TLE1: variants seen among roughly 807,000 people sequenced by gnomAD.
TLE1 encodes TLE family member 1, transcriptional corepressor.
Under a neutral mutation model 89.8 loss-of-function variants are expected in TLE1, and 21 were observed. The observed-to-expected ratio is 0.23, with a 90% CI of 0.17 to 0.34. TLE1 has a LOEUF of 0.34. Ranked by LOEUF, TLE1 falls within the 10% of genes least tolerant of loss-of-function variation. The pLI, the probability that TLE1 is intolerant of heterozygous loss-of-function variation, is 1.00. For synonymous variants in TLE1, 447 were observed against 407.6 expected, an observed-to-expected ratio of 1.10 and a Z score of -1.16; for missense variants, 795 against 1,031.2, an observed-to-expected ratio of 0.77 and a Z score of 3.14.
Position 81,583,906 on chromosome 9 carries a change from A to G in TLE1, c.*292T>C, listed in dbSNP as rs541127064. The G allele has an allele frequency of 2.4e-5, 9 of 367,968 alleles. No homozygotes were observed. The Admixed American group carries it at 3.1e-4, about 13-fold the overall frequency. The allele number at this position is 367,968 out of a possible 1,614,324, so 22.8% of individuals were successfully genotyped here. On this transcript the variant is annotated 3_prime_UTR_variant, in exon 20 of 20. Transcript: ENST00000376499. ...GCAAGGCGTGATCCCCAGATCACCCAGAAAGAAAGAATGGGCTGTCATGTG... is the reference window on the plus strand; with the variant it reads ...GCAAGGCGTGATCCCCAGATCACCCGGAAAGAAAGAATGGGCTGTCATGTG...
chr9:81,643,869 C>A (rs947939449), intron 6 of TLE1, among the ~76,000 whole-genome samples: 2 of 152,104 alleles, frequency 1.3e-5, no homozygotes, highest in Non-Finnish European at 2.9e-5. Context: ...AGCTAATCCA[C>A]ATAGGCCAAC....
chr9:81,630,120 G>A (rs980076020), intron 8 of TLE1, among the ~76,000 whole-genome samples: 1 of 151,270 alleles, frequency 6.6e-6, no homozygotes, highest in African/African-American at 2.4e-5. Flanking sequence ...GTTCAATATA[G>A]AAAGACAAAC....
chr9:81,661,289 C>A (rs1830769349), intron 4 of TLE1, among the ~76,000 whole-genome samples: 1 of 150,570 alleles, frequency 6.6e-6, no homozygotes, highest in Admixed American at 6.6e-5. Context: ...ATTCCTAAAA[C>A]CACCTTTCCT....
chr9:81,687,469 G>A, intron 1 of TLE1, 35 bp from the exon 2 acceptor site: 1 of 1,527,532 alleles, frequency 6.5e-7, no homozygotes, highest in Non-Finnish European at 9.0e-7. Flanking sequence ...CGAGGGACGG[G>A]AATGCGGGCG....
intron 11 of TLE1, among the ~76,000 whole-genome samples, chr9:81,614,209 G>A (rs1824113287): frequency 1.3e-5 from 2 of 152,124 alleles, no homozygotes; most frequent in South Asian, 4.1e-4. Context: ...CGCCAGGCCA[G>A]AAGACCCCTT....
At chr9:81,588,438 A>T (rs921862593) in intron 16 of TLE1, among the ~76,000 whole-genome samples, 1 of 152,142 alleles carries the variant, frequency 6.6e-6, no homozygotes, top group Non-Finnish European at 1.5e-5. Context: ...CCAGAGACAA[A>T]GGGTCACGCA....
Position 81,688,459 on chromosome 9 carries a change from A to ATT in TLE1, c.-221_-220dup. On this transcript the variant is annotated 5_prime_UTR_variant, in exon 1 of 20. It adds an upstream start codon to the 5' untranslated region. Transcript: ENST00000376499. Reference sequence around the variant, plus strand: ...TGCGGGCTCCGGCCCTCAGGGCCACATTAGTGGGCGCCCCAGGCCCAGCTG... The same window carrying ATT: ...TGCGGGCTCCGGCCCTCAGGGCCACATTTTAGTGGGCGCCCCAGGCCCAGCTG... The ATT allele has an allele frequency of 1.1e-5, 5 of 461,552 alleles. No individual in the cohort carries two copies. Among genetic ancestry groups the ATT allele is most frequent in the Non-Finnish European group, 1.5e-5 (4 of 266,618 alleles). 28.6% of individuals were successfully genotyped at this position (461,552 alleles called of 1,614,324 possible).
At chr9:81,646,862 T>C (rs1418033514) in intron 6 of TLE1, among the ~76,000 whole-genome samples, 1 of 152,140 alleles carries the variant, frequency 6.6e-6, no homozygotes, top group African/African-American at 2.4e-5. Flanking sequence ...TTTTAAAATA[T>C]ACAAAATCAG....
intron 13 of TLE1, 82 bp downstream of exon 13, chr9:81,611,687 A>G: frequency 7.6e-7 from 1 of 1,308,540 alleles, no homozygotes; most frequent in Non-Finnish European, 9.8e-7. Context: ...CAGCGCAGAG[A>G]GGCCTGGCCC....
chr9:81,587,926 G>GTCATCCCGCCTA, intron 16 of TLE1, 98 bp from the exon 17 acceptor site: 1 of 880,892 alleles, frequency 1.1e-6, no homozygotes, highest in South Asian at 2.0e-5. Context: ...GTGTGTGTGT[G>GTCATCCCGCCTA]TGTGTGTGTG....
At chr9:81,680,233 C>G (rs1242795694) in intron 4 of TLE1, among the ~76,000 whole-genome samples, 2 of 152,048 alleles carry the variant, frequency 1.3e-5, no homozygotes, top group African/African-American at 4.8e-5. Context: ...ATGGAAATCC[C>G]CAATTAAATG....
chr9:81,685,597 A>G, intron 4 of TLE1, 79 bp downstream of exon 4: 1 of 1,458,344 alleles, frequency 6.9e-7, no homozygotes. Context: ...CCTAGAGCCC[A>G]CTACTGAGAA....
chr9:81,588,256 C>T (rs966406050), intron 16 of TLE1, among the ~76,000 whole-genome samples: 12 of 152,118 alleles, frequency 7.9e-5, no homozygotes, highest in Admixed American at 6.5e-4. Flanking sequence ...GGCCTGAGTC[C>T]GTGAGAGAAA....
At chr9:81,674,714 C>G (rs1459162202) in intron 4 of TLE1, among the ~76,000 whole-genome samples, 1 of 152,082 alleles carries the variant, frequency 6.6e-6, no homozygotes, top group African/African-American at 2.4e-5. Flanking sequence ...AGCTTTTCTG[C>G]GTTAAATAAA....
At position 81,688,272 on chromosome 9, in the gene TLE1, G is replaced by C; in HGVS notation, c.-32C>G. ...GGCGGCGGCCGGGGCTCTGTTCCCCGGCAACTCAATTCTCCGGTCAATTTC... is the reference window on the plus strand; with the variant it reads ...GGCGGCGGCCGGGGCTCTGTTCCCCCGCAACTCAATTCTCCGGTCAATTTC... On this transcript the variant is annotated 5_prime_UTR_variant, in exon 1 of 20. Transcript: ENST00000376499. 3 of 1,553,746 alleles carry C rather than the reference G, an allele frequency of 1.9e-6. No homozygotes were observed. The highest frequency in any genetic ancestry group is 2.3e-5 in the South Asian group (2 of 85,372).
At chr9:81,597,303 C>A (rs143088790) in intron 14 of TLE1, among the ~76,000 whole-genome samples, 1 of 151,996 alleles carries the variant, frequency 6.6e-6, no homozygotes, top group Admixed American at 6.6e-5. Context: ...AGTGAAGATA[C>A]GTTGAATTGA....
At chr9:81,677,165 G>C (rs1055075253) in intron 4 of TLE1, among the ~76,000 whole-genome samples, 6 of 152,230 alleles carry the variant, frequency 3.9e-5, no homozygotes, top group African/African-American at 1.4e-4. Flanking sequence ...TTGAACCCCA[G>C]AGGCAGAGGT....
intron 6 of TLE1, among the ~76,000 whole-genome samples, chr9:81,636,518 T>C (rs897509588): frequency 1.3e-5 from 2 of 151,626 alleles, no homozygotes; most frequent in Admixed American, 6.6e-5. Flanking sequence ...CGGCACTAAT[T>C]AAAAGAAGAT....
chr9:81,661,104 C>A (rs1201902784), intron 4 of TLE1, among the ~76,000 whole-genome samples: 1 of 149,212 alleles, frequency 6.7e-6, no homozygotes, highest in Non-Finnish European at 1.5e-5. Flanking sequence ...TCCAGCCTGG[C>A]AGAGTGAGAC....
Sources: gnomAD v4.1 joint callset for allele counts (sites outside exome capture counted in the v4.1 genomes callset) on GRCh38, gnomAD v4.1.1 for gene constraint, MANE v1.5 for transcripts, NCBI Gene and HGNC (gene_info 2026-07-23, HGNC 2026-07-21) for gene names.